The following KLC1 variants were observed in gnomAD, a reference collection of about 807,000 sequenced individuals.
KLC1 encodes the protein kinesin 2 60/70kDa.
A neutral mutation model predicts 84.2 loss-of-function variants in KLC1; 30 were observed. The observed-to-expected ratio is 0.36, with a 90% CI of 0.27 to 0.48. The LOEUF is 0.48. Among genes scored for constraint, KLC1 ranks in the 20% least tolerant of loss-of-function variants. KLC1 has a pLI of 0.99. For missense variants in KLC1, 499 were observed against 805.4 expected (o/e 0.62, Z 4.60); for synonymous variants, 289 against 293.3 (o/e 0.99, Z 0.15).
At position 103,693,446 on chromosome 14, in the gene KLC1, C is replaced by A; in HGVS notation, c.1848+1021C>A. ...GACCCCTGGGCCTCTCGAGTGCCAA[C>A]CTAGATTTAGCTGTGCAGCTGGTAC... On this transcript the variant is annotated intron_variant, in intron 15 of 16. Coordinates refer to ENST00000334553, the MANE Select transcript of KLC1 (RefSeq NM_001394837.1). This position sits in a 1 kb window ranked among gnomAD's most constrained non-coding sequence, Gnocchi z 5.1. The A allele has an allele frequency of 6.6e-7, 1 of 1,506,044 alleles. No individual in the cohort carries two copies. Among genetic ancestry groups the A allele is most frequent in the Admixed American group, 2.0e-5 (1 of 48,998 alleles). The allele number at this position is 1,506,044 out of a possible 1,614,324, so 93.3% of individuals were successfully genotyped here. A position where few individuals can be genotyped will look rare whatever the true frequency, so the allele number is the denominator to read the frequency against.
chr14:103,642,815 T>G (rs1256124122), intron 1 of KLC1, among the ~76,000 whole-genome samples: 1 of 151,140 alleles, frequency 6.6e-6, no homozygotes, highest in Non-Finnish European at 1.5e-5. Flanking sequence ...TTGCCCAGGC[T>G]GGAGTGCAGT....
chr14:103,666,690 C>T lies in KLC1; in HGVS notation c.798-2821C>T, dbSNP rs555625400. ...TCAGCTCACTGCAACCTCTGCCTCC[C>T]GGGTTGAGGCGATTCCACCCACCCC... On this transcript the variant is annotated intron_variant, in intron 5 of 16. Transcript: ENST00000334553. Among the ~76,000 whole-genome samples the T allele has an allele frequency of 1.8e-4, 26 of 148,454 alleles. No homozygotes were observed. In the South Asian group the frequency reaches 2.4e-3, roughly 14 times the overall value.
rs185725970 is a variant in KLC1 at position 103,669,387 on chromosome 14, T to C, written c.798-124T>C. On this transcript the variant is annotated intron_variant, in intron 5 of 16. Coordinates refer to ENST00000334553, the MANE Select transcript of KLC1 (RefSeq NM_001394837.1). The stretch of plus-strand genomic sequence containing the variant: ...AGGCGGAGGTTGCAGTGAGCCAAGA[T>C]GGCACCACTGCACTCCAACCTGTGC... The C allele has an allele frequency of 1.0e-3, 581 of 560,456 alleles. 6 individuals carry two copies. In the East Asian group the frequency reaches 0.017, roughly 16 times the overall value. The allele number at this position is 560,456 out of a possible 1,614,324, so 34.7% of individuals were successfully genotyped here.
In KLC1 at chr14:103,669,493, G is replaced by T; in HGVS notation, c.798-18G>T. ...GTGATCTACATCTGAAACACTTAAT[G>T]TGTGTTTTTCCATTTAGGGATCAGA... On this transcript the variant is annotated intron_variant, in intron 5 of 16. Coordinates refer to ENST00000334553, the MANE Select transcript of KLC1 (RefSeq NM_001394837.1). The T allele has an allele frequency of 7.2e-7, 1 of 1,388,728 alleles. No homozygotes were observed. Among genetic ancestry groups the T allele is most frequent in the South Asian group, 1.2e-5 (1 of 85,124 alleles). 86.0% of individuals were successfully genotyped at this position (1,388,728 alleles called of 1,614,324 possible).
intron 15 of KLC1, 105 bp downstream of exon 15, chr14:103,692,530 G>C (rs1346309967): frequency 2.3e-6 from 2 of 865,424 alleles, no homozygotes; most frequent in Non-Finnish European, 3.6e-6. Flanking sequence ...CCTGCAGAGG[G>C]CTGGGGACGC....
intron 13 of KLC1, among the ~76,000 whole-genome samples, chr14:103,681,987 CA>C (rs2081377407): frequency 3.3e-5 from 5 of 152,160 alleles, no homozygotes; most frequent in Non-Finnish European, 7.3e-5. Flanking sequence ...AAACCGTTAC[CA>C]CTGTAGCCAC....
chr14:103,696,473 C>A (rs861541), intron 15 of KLC1: 4 of 985,140 alleles, frequency 4.1e-6, no homozygotes, highest in Non-Finnish European at 4.8e-6. Flanking sequence ...AATGATGTAT[C>A]GTTACAATGT....
chr14:103,700,548 C>G (rs1417464356), intron 15 of KLC1, 107 bp from the exon 16 acceptor site: 3 of 907,290 alleles, frequency 3.3e-6, no homozygotes, highest in East Asian at 2.7e-5. Flanking sequence ...GGCTGTCCCT[C>G]AAGTCCAAGG....
intron 13 of KLC1, chr14:103,685,504 C>T: frequency 7.9e-7 from 1 of 1,269,970 alleles, no homozygotes; most frequent in Non-Finnish European, 1.0e-6. Flanking sequence ...AAGGTCATCC[C>T]AGTCCTAAAG....
At chr14:103,667,108 CT>C (rs2079927297) in intron 5 of KLC1, among the ~76,000 whole-genome samples, 1 of 150,642 alleles carries the variant, frequency 6.6e-6, no homozygotes. Flanking sequence ...CTTTAGGTAG[CT>C]TATTTTATTT....
At chr14:103,632,084 A>T (rs2076729710) in intron 1 of KLC1, among the ~76,000 whole-genome samples, 1 of 152,176 alleles carries the variant, frequency 6.6e-6, no homozygotes, top group African/African-American at 2.4e-5. Context: ...CTGAGTAGTC[A>T]GCGATACCTT....
intron 1 of KLC1, among the ~76,000 whole-genome samples, chr14:103,649,374 A>G (rs1049816495): frequency 6.6e-6 from 1 of 152,164 alleles, no homozygotes; most frequent in Non-Finnish European, 1.5e-5. Flanking sequence ...AATAACAATT[A>G]TAGGGTTTTT....
intron 1 of KLC1, among the ~76,000 whole-genome samples, chr14:103,636,923 G>C (rs559425773): frequency 1.3e-5 from 2 of 150,692 alleles, no homozygotes; most frequent in Admixed American, 1.3e-4. Context: ...TTAGATATGG[G>C]TTTCACCATG....
At chr14:103,676,901 G>T (rs1454314554) in intron 11 of KLC1, among the ~76,000 whole-genome samples, 1 of 152,086 alleles carries the variant, frequency 6.6e-6, no homozygotes, top group African/African-American at 2.4e-5. Context: ...CCGTCCTCTC[G>T]GCCATCTGCT....
intron 7 of KLC1, among the ~76,000 whole-genome samples, chr14:103,672,674 T>A (rs2080508485): frequency 6.6e-6 from 1 of 152,162 alleles, no homozygotes; most frequent in African/African-American, 2.4e-5. Flanking sequence ...CACATAGCCT[T>A]TACAAAGCCC....
At chr14:103,665,011 T>A (rs1266089354) in intron 5 of KLC1, among the ~76,000 whole-genome samples, 1 of 152,042 alleles carries the variant, frequency 6.6e-6, no homozygotes, top group African/African-American at 2.4e-5. Context: ...AGTCTTGTGT[T>A]TTTCCCTAGC....
chr14:103,679,652 A>C, intron 13 of KLC1, 107 bp downstream of exon 13: 1 of 773,500 alleles, frequency 1.3e-6, no homozygotes, highest in Non-Finnish European at 2.1e-6. Flanking sequence ...TTCTCAAATT[A>C]AGTGCCAATT....
At chr14:103,640,855 A>G (rs1437903574) in intron 1 of KLC1, among the ~76,000 whole-genome samples, 1 of 152,148 alleles carries the variant, frequency 6.6e-6, no homozygotes, top group Non-Finnish European at 1.5e-5. Context: ...CCTAATGTTA[A>G]TATCCTACAT....
chr14:103,698,431 A>G, intron 15 of KLC1: 7 of 333,860 alleles, frequency 2.1e-5, no homozygotes, highest in South Asian at 1.8e-4. Context: ...CAGGCCTCAG[A>G]CGCAACCCCA....
Sources: allele counts gnomAD v4.1 joint callset (sites outside exome capture counted in the v4.1 genomes callset), GRCh38; gene constraint gnomAD v4.1.1; non-coding constraint Gnocchi (gnomAD v3.1); transcripts MANE v1.5; gene names NCBI Gene and HGNC (gene_info 2026-07-23, HGNC 2026-07-21).